ADGRL2: variants seen among roughly 807,000 people sequenced by gnomAD.
ADGRL2 encodes adhesion G protein-coupled receptor L2, also known as calcium-independent alpha-latrotoxin receptor 2.
A neutral mutation model predicts 157.4 loss-of-function variants in ADGRL2; 44 were observed. The ratio of observed to expected loss-of-function variants is 0.28; its 90% CI spans 0.22 to 0.36. ADGRL2 has a LOEUF of 0.36. Among genes scored for constraint, ADGRL2 ranks in the 10% least tolerant of loss-of-function variants. ADGRL2 has a pLI of 1.00. For missense variants in ADGRL2, 1,510 were observed against 1,768.9 expected (o/e 0.85, Z 2.63); for synonymous variants, 585 against 624.7 (o/e 0.94, Z 0.95).
intron 11 of ADGRL2, among the ~76,000 whole-genome samples, chr1:81,957,541 A>T (rs916829115): frequency 6.6e-6 from 1 of 151,970 alleles, no homozygotes; most frequent in East Asian, 1.9e-4. Context: ...TTTACAAAAA[A>T]TACGCCAAGA....
At chr1:81,888,403 T>A (rs2094177218) in intron 2 of ADGRL2, among the ~76,000 whole-genome samples, 1 of 152,124 alleles carries the variant, frequency 6.6e-6, no homozygotes, top group African/African-American at 2.4e-5. Flanking sequence ...AAACCTTGTT[T>A]TATTGAGCTT....
At chr1:81,627,735 T>C (rs2081937775) in intron 3 of ADGRL2, among the ~76,000 whole-genome samples, 1 of 152,170 alleles carries the variant, frequency 6.6e-6, no homozygotes, top group Non-Finnish European at 1.5e-5. Flanking sequence ...GGATCAGAAT[T>C]ATAATTCCAG....
Position 81,977,331 on chromosome 1 carries a change from A to G in ADGRL2, c.3022-2538A>G, listed in dbSNP as rs553084478. On this transcript the variant is annotated intron_variant, in intron 17 of 23. Transcript: ENST00000686636. ...AAAACCTCAGTTAAGTGAGGGGAGC[A>G]AAAGAGGAGAAATGCATTGAACAGT... Among the ~76,000 whole-genome samples the G allele has an allele frequency of 2.6e-5, 4 of 151,860 alleles. No individual in the cohort carries two copies. The South Asian group carries it at 8.3e-4, about 31-fold the overall frequency.
intron 2 of ADGRL2, among the ~76,000 whole-genome samples, chr1:81,549,549 A>G (rs932821939): frequency 5.9e-5 from 9 of 152,202 alleles, no homozygotes; most frequent in African/African-American, 1.7e-4. Flanking sequence ...TGAAGTCACC[A>G]TATTCTTCAA....
chr1:81,693,539 C>T (rs917911482), intron 3 of ADGRL2, among the ~76,000 whole-genome samples: 2 of 152,144 alleles, frequency 1.3e-5, no homozygotes, highest in African/African-American at 4.8e-5. Flanking sequence ...CAGATTACTT[C>T]ATAATAAAGA....
At chr1:81,816,780 G>A (rs2090444903) in intron 1 of ADGRL2, among the ~76,000 whole-genome samples, 1 of 151,872 alleles carries the variant, frequency 6.6e-6, no homozygotes, top group Admixed American at 6.6e-5. Context: ...ACCTACAAAT[G>A]CTCTTTTTAT....
chr1:81,787,100 A>G (rs948222925), intron 2 of ADGRL2, among the ~76,000 whole-genome samples: 1 of 152,060 alleles, frequency 6.6e-6, no homozygotes, highest in Non-Finnish European at 1.5e-5. Flanking sequence ...TGCCACCACC[A>G]TGTAAGAAGT....
intron 3 of ADGRL2, among the ~76,000 whole-genome samples, chr1:81,644,720 A>T (rs538959269): frequency 2.0e-5 from 3 of 152,220 alleles, no homozygotes; most frequent in East Asian, 1.9e-4. Context: ...GTGATGATGT[A>T]TCAAGGTAGG....
chr1:81,903,382 A>G (rs900078425), intron 2 of ADGRL2, among the ~76,000 whole-genome samples: 3 of 152,164 alleles, frequency 2.0e-5, no homozygotes, highest in Admixed American at 6.5e-5. Context: ...AGACTTATAA[A>G]ATAAATCTTG....
At chr1:81,385,879 C>A (rs1276511298) in intron 1 of ADGRL2, among the ~76,000 whole-genome samples, 4 of 151,962 alleles carry the variant, frequency 2.6e-5, no homozygotes, top group Non-Finnish European at 5.9e-5. Flanking sequence ...TCAAGAAGAT[C>A]CCTGAAATAA....
chr1:81,367,312 AC>A lies in ADGRL2; in HGVS notation c.-302+60806del, dbSNP rs374001015. Among the ~76,000 whole-genome samples, 571 of 152,244 alleles carry A rather than the reference AC, an allele frequency of 3.8e-3. 4 individuals are homozygous for A. Among genetic ancestry groups the A allele is most frequent in the African/African-American group, 0.012 (511 of 41,532 alleles). ...CCATGGTGCTGTGCTGCAGGGATCA[AC>A]CCATCACCCAGGTATTAAGCCCAGC... On this transcript the variant is annotated intron_variant, in intron 1 of 24. Transcript: ENST00000370721.
chr1:81,645,700 A>G (rs2082301975), intron 3 of ADGRL2, among the ~76,000 whole-genome samples: 1 of 152,060 alleles, frequency 6.6e-6, no homozygotes, highest in Non-Finnish European at 1.5e-5. Flanking sequence ...ATTCTCTACA[A>G]TTGCTACCTA....
At chr1:81,619,183 A>T (rs2081733001) in intron 3 of ADGRL2, among the ~76,000 whole-genome samples, 1 of 152,206 alleles carries the variant, frequency 6.6e-6, no homozygotes, top group Non-Finnish European at 1.5e-5. Context: ...ACCAGCTGAG[A>T]TCAGCACCTT....
At chr1:81,857,803 T>C (rs966263632) in intron 2 of ADGRL2, among the ~76,000 whole-genome samples, 1 of 152,190 alleles carries the variant, frequency 6.6e-6, no homozygotes. Context: ...TTTTTAAAAA[T>C]CCATTTTTTG....
At chr1:81,468,064 G>A (rs2078097157) in intron 2 of ADGRL2, among the ~76,000 whole-genome samples, 1 of 152,118 alleles carries the variant, frequency 6.6e-6, no homozygotes, top group Non-Finnish European at 1.5e-5. Flanking sequence ...AGTATTGAAA[G>A]TTTAGATTTG....
intron 1 of ADGRL2, among the ~76,000 whole-genome samples, chr1:81,376,027 T>C (rs2076242793): frequency 6.6e-6 from 1 of 152,204 alleles, no homozygotes; most frequent in Admixed American, 6.5e-5. Context: ...GATAGCAATA[T>C]ATACCAGCAT....
intron 2 of ADGRL2, among the ~76,000 whole-genome samples, chr1:81,776,779 T>C (rs1019203994): frequency 6.6e-6 from 1 of 152,206 alleles, no homozygotes; most frequent in Non-Finnish European, 1.5e-5. Flanking sequence ...GGAGAAAGAT[T>C]GACCTGGGCT....
chr1:81,873,403 C>T (rs1337116382), intron 2 of ADGRL2, among the ~76,000 whole-genome samples: 1 of 151,964 alleles, frequency 6.6e-6, no homozygotes, highest in Non-Finnish European at 1.5e-5. Flanking sequence ...TTCTGTATGT[C>T]TCTAAATTTG....
chr1:81,439,535 C>T (rs543553245), intron 1 of ADGRL2, among the ~76,000 whole-genome samples: 2 of 152,332 alleles, frequency 1.3e-5, no homozygotes, highest in East Asian at 1.9e-4. Flanking sequence ...GGAGGGAGCA[C>T]GTGAGCAAGT....
Sources: allele counts gnomAD v4.1 joint callset (sites outside exome capture counted in the v4.1 genomes callset), GRCh38; gene constraint gnomAD v4.1.1; transcripts MANE v1.5; gene names NCBI Gene and HGNC (gene_info 2026-07-23, HGNC 2026-07-21).